The following ESPN variants were observed in gnomAD, a reference collection of about 807,000 sequenced individuals.
The protein encoded by ESPN is autosomal recessive deafness type 36 protein.
Under a neutral mutation model 77.7 loss-of-function variants are expected in ESPN, and 68 were observed. That is an observed-to-expected ratio of 0.87 (90% confidence interval 0.72 to 1.07). The LOEUF is 1.07. Ranked by LOEUF, ESPN falls within the 50% of genes least tolerant of loss-of-function variation. The probability of loss-of-function intolerance (pLI) is 0.00; values close to 1 mark genes in which losing one functional copy is unlikely to be tolerated. For synonymous variants in ESPN, 449 were observed against 567.1 expected (o/e 0.79, Z 2.96); for missense variants, 1,060 against 1,239.0 (o/e 0.86, Z 2.17).
In ESPN at chr1:6,451,819, G is replaced by A. The variant is rs377416423; in HGVS notation, c.2062-14G>A. ...AGGCCACCGGGCGCTCAGCCCCACC[G>A]CTTCTCCCTGCAGCCCGATTCGCCG... On this transcript the variant is annotated splice_polypyrimidine_tract_variant and intron_variant, in intron 9 of 12. Coordinates refer to ENST00000645284, the MANE Select transcript of ESPN (RefSeq NM_031475.3). The surrounding 1 kb of genome is among the most constrained non-coding windows in gnomAD (Gnocchi z 4.3). The A allele has an allele frequency of 9.1e-5, 146 of 1,610,526 alleles. No individual in the cohort carries two copies. Among genetic ancestry groups the A allele is most frequent in the South Asian group, 8.1e-4 (73 of 90,580 alleles).
chr1:6,445,629 G>A, intron 6 of ESPN, 35 bp from the exon 7 acceptor site: 1 of 1,606,124 alleles, frequency 6.2e-7, no homozygotes, highest in African/African-American at 1.3e-5. Flanking sequence ...CTGTCTGCAT[G>A]CTCCCAAATC....
rs1557708188 is a variant in ESPN at position 6,445,776 on chromosome 1, C to T, written c.1305C>T (p.Pro435=). Residue 435 remains proline (P), a synonymous_variant, in exon 7 of 13, where the codon CCC becomes CCT. Transcript: ENST00000645284. ...AGCCCACACCCCCACCACCCCCACCCAGCTTCCCCCCGCCACCCCCGCCCC... is the reference window on the plus strand; with the variant it reads ...AGCCCACACCCCCACCACCCCCACCTAGCTTCCCCCCGCCACCCCCGCCCC... ...IGKPTPPPPP[P]SFPPPPPPPG... 7.2e-7 allele frequency: 1 copy of T among 1,391,708 alleles called. No individual in the cohort carries two copies. Among genetic ancestry groups the T allele is most frequent in the Non-Finnish European group, 9.8e-7 (1 of 1,024,724 alleles). 86.2% of individuals were successfully genotyped at this position (1,391,708 alleles called of 1,614,324 possible). A position where few individuals can be genotyped will look rare whatever the true frequency, so the allele number is the denominator to read the frequency against.
chr1:6,448,842 C>T lies in ESPN; in HGVS notation c.1666C>T (p.Leu556Phe), dbSNP rs560871360. The change falls in exon 8 of 13, where the codon CTC becomes TTC. Residue 556 changes from leucine (L) to phenylalanine (F), a missense_variant. Leu to Phe is a conservative substitution (Grantham distance 22). Around this residue, in one of 3 missense-constraint regions of ESPN, gnomAD observed 130 missense variants for 223.9 expected, o/e 0.58. Transcript: ENST00000645284. ...GCCCGCGCGCGCCGGCTGCCCGCGC[C>T]TCGGCCCTGCCGCCCGCGGCTCACT... is the stretch of plus-strand genomic sequence containing the variant. ...RQPARAGCPR[L>F]GPAARGSLEG... is the part of the protein sequence containing the mutation. The T allele has an allele frequency of 5.6e-6, 7 of 1,242,994 alleles. No individual in the cohort carries two copies. The highest frequency in any genetic ancestry group is 4.4e-5 in the Admixed American group (1 of 22,966). The allele number at this position is 1,242,994 out of a possible 1,614,324, so 77.0% of individuals were successfully genotyped here.
At chr1:6,433,606 CAA>C (rs569450960) in intron 2 of ESPN, among the ~76,000 whole-genome samples, 14 of 132,574 alleles carry the variant, frequency 1.1e-4, no homozygotes, top group Non-Finnish European at 1.2e-4. Flanking sequence ...GAATCCATTT[CAA>C]AAAAAAAAAA....
intron 12 of ESPN, 36 bp from the exon 13 acceptor site, chr1:6,459,963 A>G (rs1289517333): frequency 3.1e-6 from 5 of 1,612,464 alleles, no homozygotes; most frequent in Non-Finnish European, 4.2e-6. Context: ...CTGGCCCCAG[A>G]CTTCACCGGG....
At chr1:6,455,628 A>G in intron 10 of ESPN, 1 of 399,412 alleles carries the variant, frequency 2.5e-6, no homozygotes, top group Non-Finnish European at 4.4e-6. Context: ...GCACTACGAC[A>G]GCCTCACGCT....
intron 2 of ESPN, among the ~76,000 whole-genome samples, chr1:6,439,169 C>T (rs1643534730): frequency 6.6e-6 from 1 of 152,176 alleles, no homozygotes; most frequent in Non-Finnish European, 1.5e-5. Context: ...AGAGCTAGCA[C>T]AGCAGAAGCA....
chr1:6,447,674 GGGTGTC>G lies in ESPN; in HGVS notation c.1465-959_1465-954del, dbSNP rs1314850262. Among the ~76,000 whole-genome samples the G allele has an allele frequency of 3.3e-5, 5 of 152,230 alleles. No individual in the cohort carries two copies. The highest frequency in any genetic ancestry group is 9.6e-5 in the African/African-American group (4 of 41,454). On this transcript the variant is annotated intron_variant, in intron 7 of 12. Transcript: ENST00000645284. This position sits in a 1 kb window ranked among gnomAD's most constrained non-coding sequence, Gnocchi z 5.2. ...CCCCTGAAATCCGAGGCTTGAGCGC[GGGTGTC>G]GGTGTCGCTTTCGTGGATGGCGATG...
At position 6,428,424 on chromosome 1, in the gene ESPN, G is replaced by GT; in HGVS notation, c.488+5_488+6insT. The GT allele has an allele frequency of 6.2e-7, 1 of 1,607,182 alleles. No individual in the cohort carries two copies. Among genetic ancestry groups the GT allele is most frequent in the Non-Finnish European group, 8.5e-7 (1 of 1,175,546 alleles). ...TCTCGTCGAGCACTACCCTGAGTAA[G>GT]ATCACCCCTCTTAAGGGGTCCTCTG... On this transcript the variant is annotated splice_donor_region_variant and intron_variant, in intron 2 of 12. Coordinates refer to ENST00000645284, the MANE Select transcript of ESPN (RefSeq NM_031475.3). The surrounding 1 kb of genome is among the most constrained non-coding windows in gnomAD (Gnocchi z 5.4).
chr1:6,454,571 G>A, intron 10 of ESPN: 1 of 399,000 alleles, frequency 2.5e-6, no homozygotes, highest in Non-Finnish European at 4.4e-6. Flanking sequence ...TCGAGAACCT[G>A]CAGGTGCTGC....
chr1:6,433,969 C>T (rs1434709553), intron 2 of ESPN, among the ~76,000 whole-genome samples: 2 of 152,278 alleles, frequency 1.3e-5, no homozygotes, highest in East Asian at 1.9e-4. Context: ...TGCAGTGGCA[C>T]GGCTCACTGC....
Position 6,444,605 on chromosome 1 carries a change from C to T in ESPN, c.1115C>T (p.Ser372Leu), listed in dbSNP as rs747761267. The T allele has an allele frequency of 8.7e-6, 14 of 1,614,212 alleles. No homozygotes were observed. Among genetic ancestry groups the T allele is most frequent in the Admixed American group, 3.3e-5 (2 of 60,032 alleles). ...SVQPLNFDLSSPTSTLSNYDS... is the reference protein window; with the variant it reads ...SVQPLNFDLSLPTSTLSNYDS... ...CAGCCGCTGAACTTTGACCTCAGCT[C>T]GCCTACCAGCACCCTCTCCAACTAC... Residue 372 changes from serine (S) to leucine (L), a missense_variant, in exon 6 of 13, where the codon TCG (serine) becomes TTG (leucine). Physicochemically the swap from Ser to Leu is moderately radical, Grantham distance 145. This residue lies in a region of ESPN where 556 missense variants were observed against 633.6 expected (regional missense o/e 0.88). Transcript: ENST00000645284.
chr1:6,435,538 C>T (rs1643406431), intron 2 of ESPN, among the ~76,000 whole-genome samples: 1 of 152,252 alleles, frequency 6.6e-6, no homozygotes, highest in African/African-American at 2.4e-5. Context: ...GCCAGGGCGC[C>T]TCTGACCTAC....
chr1:6,449,046 G>T lies in ESPN; in HGVS notation c.1870G>T (p.Ala624Ser). ...PPAPPLPLESAGPGCGQRRSS... is the reference protein window; with the variant it reads ...PPAPPLPLESSGPGCGQRRSS... ...GGCCCCGCCTCTGCCCCTCGAGAGC[G>T]CTGGCCCTGGCTGCGGGCAGCGCCG... Residue 624 changes from alanine to serine, a missense_variant, in exon 8 of 13, where the codon GCT (alanine) becomes TCT (serine). Physicochemically the swap from Ala to Ser is moderately conservative, Grantham distance 99. Coordinates refer to ENST00000645284, the MANE Select transcript of ESPN (RefSeq NM_031475.3). 1.3e-6 allele frequency: 2 copies of T among 1,483,860 alleles called. No individual in the cohort carries two copies. The highest frequency in any genetic ancestry group is 2.3e-5 in the Admixed American group (1 of 44,428). The allele number at this position is 1,483,860 out of a possible 1,614,324, so 91.9% of individuals were successfully genotyped here. A position where few individuals can be genotyped will look rare whatever the true frequency, so the allele number is the denominator to read the frequency against.
At position 6,424,905 on chromosome 1, in the gene ESPN, G is replaced by A; in HGVS notation, c.-51G>A. 1 of 1,400,186 alleles carries A rather than the reference G, an allele frequency of 7.1e-7. No individual in the cohort carries two copies. The highest frequency in any genetic ancestry group is 9.3e-7 in the Non-Finnish European group (1 of 1,077,826). The allele number at this position is 1,400,186 out of a possible 1,614,324, so 86.7% of individuals were successfully genotyped here. ...TCTGGCCCGCAAGAACACGTGCATG[G>A]CGTCCTGGGGAAGGCGCTGAGTGCG... On this transcript the variant is annotated 5_prime_UTR_variant, in exon 1 of 13. Coordinates refer to ENST00000645284, the MANE Select transcript of ESPN (RefSeq NM_031475.3).
chr1:6,432,949 C>A (rs1435077554), intron 2 of ESPN, among the ~76,000 whole-genome samples: 1 of 151,604 alleles, frequency 6.6e-6, no homozygotes, highest in Non-Finnish European at 1.5e-5. Context: ...GAAGAAACCC[C>A]GTCTCTACTA....
rs1025252883 is a variant in ESPN, at chr1:6,455,201, C to G, written c.2326-1983C>G. ...ATCGCCAGGCGGCGCTGCCTGAGCC[C>G]GAGCAGCTGGCGCGCCGGCCGCCCC... is the stretch of plus-strand genomic sequence containing the variant. On this transcript the variant is annotated intron_variant, in intron 10 of 12. Coordinates refer to ENST00000645284, the MANE Select transcript of ESPN (RefSeq NM_031475.3). 267 of 388,724 alleles carry G rather than the reference C, an allele frequency of 6.9e-4. 2 individuals are homozygous for G. Among genetic ancestry groups the G allele is most frequent in the Non-Finnish European group, 1.1e-3 (236 of 219,610 alleles). The allele number at this position is 388,724 out of a possible 1,614,324, so 24.1% of individuals were successfully genotyped here. A position where few individuals can be genotyped will look rare whatever the true frequency, so the allele number is the denominator to read the frequency against.
At chr1:6,441,610 G>A (rs1643639446) in intron 5 of ESPN, among the ~76,000 whole-genome samples, 2 of 152,220 alleles carry the variant, frequency 1.3e-5, no homozygotes, top group South Asian at 4.1e-4. Flanking sequence ...ATTATGGTGA[G>A]ACAGCCATGA....
intron 12 of ESPN, 75 bp from the exon 13 acceptor site, chr1:6,459,924 G>A: frequency 1.3e-6 from 2 of 1,592,030 alleles, no homozygotes; most frequent in South Asian, 1.1e-5. Flanking sequence ...CCTGGTGCCT[G>A]GCCCCACCCT....
Sources: allele counts gnomAD v4.1 joint callset (sites outside exome capture counted in the v4.1 genomes callset), GRCh38; gene constraint gnomAD v4.1.1; regional missense constraint gnomAD v4.1.1; non-coding constraint Gnocchi (gnomAD v3.1); transcripts MANE v1.5; gene names NCBI Gene and HGNC (gene_info 2026-07-23, HGNC 2026-07-21).